The following PKD1 variants were observed in gnomAD, a reference collection of about 807,000 sequenced individuals.
PKD1 encodes the protein polycystin-1.
In PKD1, 81 loss-of-function variants were observed where a neutral mutation model predicts 361.7. The observed-to-expected ratio is 0.22, with a 90% confidence interval of 0.19 to 0.27. PKD1 has a LOEUF of 0.27. Among genes scored for constraint, PKD1 ranks in the 10% least tolerant of loss-of-function variants. PKD1 has a pLI of 1.00. For missense variants in PKD1, 6,399 were observed against 6,118.3 expected (o/e 1.05, Z -1.53); for synonymous variants, 3,615 against 2,818.3 (o/e 1.28, Z -8.95).
intron 1 of PKD1, among the ~76,000 whole-genome samples, chr16:2,130,668 G>A (rs1211327690): frequency 3.3e-5 from 5 of 152,300 alleles, no homozygotes; most frequent in East Asian, 1.9e-4. Context: ...TGGCAGTTGC[G>A]CTCTAAGGCA....
chr16:2,109,102 G>A lies in PKD1; in HGVS notation c.6065C>T (p.Ser2022Leu), dbSNP rs781681199. Residue 2022 changes from serine (S) to leucine (L), a missense_variant, in exon 15 of 46, where the codon TCG becomes TTG. By Grantham distance (145) the Ser-to-Leu change is moderately radical (BLOSUM62 -2). Transcript: ENST00000262304. ...KVQGDSLVILSGRDVTYTPVA... is the reference protein window; with the variant it reads ...KVQGDSLVILLGRDVTYTPVA... ...GGGCGTGTAGGTGACGTCGCGGCCC[G>A]ACAGGATGACCAGCGAGTCGCCCTG... 1.6e-5 allele frequency: 25 copies of A among 1,603,064 alleles called. No homozygotes were observed. Among genetic ancestry groups the A allele is most frequent in the Middle Eastern group, 1.8e-4 (1 of 5,560 alleles).
rs143953714 is a variant in PKD1 at position 2,111,314 on chromosome 16, G to A, written c.3853C>T (p.Arg1285Trp). ...ACGAAGACCAGCACGTGCAGGCTCC[G>A]GGCCAGGTGGCCGGCGGGGCTGGCC... ...GAASPAGHLARSLHVLVFVLE... is the reference protein window; with the variant it reads ...GAASPAGHLAWSLHVLVFVLE... The change falls in exon 15 of 46, where the codon CGG (arginine) becomes TGG (tryptophan). Residue 1285 changes from arginine (R) to tryptophan (W), a missense_variant. Arg to Trp is a moderately radical substitution (Grantham distance 101). Coordinates refer to ENST00000262304, the MANE Select transcript of PKD1 (RefSeq NM_001009944.3). The A allele has an allele frequency of 3.8e-4, 617 of 1,608,738 alleles. 2 individuals carry two copies. The African/African-American group carries it at 7.0e-3, about 18-fold the overall frequency.
chr16:2,131,679 C>T (rs565899828), intron 1 of PKD1, among the ~76,000 whole-genome samples: 10 of 150,536 alleles, frequency 6.6e-5, no homozygotes, highest in South Asian at 2.1e-4. Flanking sequence ...AAAAATTAGC[C>T]GGGCGTGGTG....
Position 2,099,662 on chromosome 16 carries a change from G to A in PKD1, c.10032C>T (p.Phe3344=), listed in dbSNP as rs768037346. The A allele has an allele frequency of 3.1e-6, 5 of 1,593,344 alleles. No homozygotes were observed. The Admixed American group carries it at 5.0e-5, about 16-fold the overall frequency. Residue 3344 remains phenylalanine (F), a synonymous_variant, in exon 30 of 46, where the codon TTC becomes TTT. Transcript: ENST00000262304. The part of the protein sequence containing the change: ...YPVYLAILFL[F]RMSRSKVAGS... ...AGCCCACCTTGCTCCGGGACATCCG[G>A]AAGAGAAAAAGGATGGCCAGGTAGA...
chr16:2,106,612 G>A lies in PKD1; in HGVS notation c.7275C>T (p.Gly2425=), dbSNP rs115772084. 1.7e-3 allele frequency: 2,639 copies of A among 1,598,402 alleles called. 29 individuals are homozygous for A. The African/African-American group carries it at 0.027, about 16-fold the overall frequency. The change falls in exon 18 of 46, where the codon GGC becomes GGT. Residue 2425 remains glycine, a synonymous_variant. Coordinates refer to ENST00000262304, the MANE Select transcript of PKD1 (RefSeq NM_001009944.3). This position sits in a 1 kb window ranked among gnomAD's most constrained non-coding sequence, Gnocchi z 6.5. ...LVLDETTTST[G]SAGMRLVLRR... Reference sequence around the variant, plus strand: ...GCAGCACCAGTCGCATGCCTGCACTGCCCGTGGATGTGGTGGTCTCATCCA... The same window carrying A: ...GCAGCACCAGTCGCATGCCTGCACTACCCGTGGATGTGGTGGTCTCATCCA...
In PKD1 at chr16:2,097,848, A is replaced by G. The variant is rs1231065818; in HGVS notation, c.10167+20T>C. 6.2e-7 allele frequency: 1 copy of G among 1,608,474 alleles called. No homozygotes were observed. The highest frequency in any genetic ancestry group is 8.5e-7 in the Non-Finnish European group (1 of 1,177,440). On this transcript the variant is annotated intron_variant, in intron 31 of 45. Coordinates refer to ENST00000262304, the MANE Select transcript of PKD1 (RefSeq NM_001009944.3). ...GGCAGGACCCCCAGCCCAGCCCAGGACCCCCAGTAGAGTCCTCACCTCAGC... is the reference window on the plus strand; with the variant it reads ...GGCAGGACCCCCAGCCCAGCCCAGGGCCCCCAGTAGAGTCCTCACCTCAGC...
Position 2,112,848 on chromosome 16 carries a change from T to G in PKD1, c.3101A>C (p.Asn1034Thr). 1.2e-6 allele frequency: 2 copies of G among 1,604,894 alleles called. No homozygotes were observed. The highest frequency in any genetic ancestry group is 1.7e-6 in the Non-Finnish European group (2 of 1,179,446). Residue 1034 changes from asparagine (N) to threonine (T), a missense_variant, in exon 13 of 46, where the codon AAT (asparagine) becomes ACT (threonine). Transcript: ENST00000262304. ...GCCCGCCGTCAGTGCTAGCGTGGCA[T>G]TGGGGGACAGCACGGCCGGCACTGT... ...VSTVPAVLSPNATLALTAGVL... is the reference protein window; with the variant it reads ...VSTVPAVLSPTATLALTAGVL...
In PKD1 at chr16:2,112,789, G is replaced by A. The variant is rs1427376432; in HGVS notation, c.3160C>T (p.Leu1054=). The part of the protein sequence containing the change: ...LVDSAVEVAF[L]WTFGDGEQAL... ...CAAACCGGCCCCCGAGTCACTCACA[G>A]GAAGGCCACCTCCACGGCCGAGTCC... The change falls in exon 13 of 46, where the codon CTG becomes TTG. Residue 1054 remains leucine (L), a splice_region_variant and synonymous_variant. Transcript: ENST00000262304. 1 of 1,596,620 alleles carries A rather than the reference G, an allele frequency of 6.3e-7. No individual in the cohort carries two copies. Among genetic ancestry groups the A allele is most frequent in the Non-Finnish European group, 8.5e-7 (1 of 1,179,380 alleles).
At position 2,114,407 on chromosome 16, in the gene PKD1, A is replaced by G. The variant is rs140865938; in HGVS notation, c.2616T>C (p.Asn872=). 2.5e-6 allele frequency: 4 copies of G among 1,605,426 alleles called. No homozygotes were observed. Among genetic ancestry groups the G allele is most frequent in the African/African-American group, 2.7e-5 (2 of 74,830 alleles). Reference sequence around the variant, plus strand: ...AGGTGGCCACCAGGGCAGGGCAGACATTCTCAAAGCGGGCGCTGACACTGC... The same window carrying G: ...AGGTGGCCACCAGGGCAGGGCAGACGTTCTCAAAGCGGGCGCTGACACTGC... ...PGGSVSARFE[N]VCPALVATFV... is the part of the protein sequence containing the mutation. Residue 872 remains asparagine, a synonymous_variant, in exon 11 of 46, where the codon AAT becomes AAC. Coordinates refer to ENST00000262304, the MANE Select transcript of PKD1 (RefSeq NM_001009944.3).
At position 2,100,403 on chromosome 16, in the gene PKD1, G is replaced by A. The variant is rs1253124886; in HGVS notation, c.9561C>T (p.Asp3187=). The change falls in exon 27 of 46, where the codon GAC becomes GAT. Residue 3187 remains aspartate (D), a synonymous_variant. Coordinates refer to ENST00000262304, the MANE Select transcript of PKD1 (RefSeq NM_001009944.3). This position sits in a 1 kb window ranked among gnomAD's most constrained non-coding sequence, Gnocchi z 4.4. ...GGCAGGGTCCGCACAAACCTTTGTT[G>A]TCGTGCCACACTCGGATCTTCCACA... is the stretch of plus-strand genomic sequence containing the variant. ...GSVWKIRVWH[D]NKGLSPAWFL... The A allele has an allele frequency of 6.2e-7, 1 of 1,611,314 alleles. No homozygotes were observed. Among genetic ancestry groups the A allele is most frequent in the Non-Finnish European group, 8.5e-7 (1 of 1,179,770 alleles).
rs200049385 is a variant in PKD1 at position 2,110,510 on chromosome 16, C to A, written c.4657G>T (p.Val1553Phe). 1 of 1,612,014 alleles carries A rather than the reference C, an allele frequency of 6.2e-7. No individual in the cohort carries two copies. Among genetic ancestry groups the A allele is most frequent in the Non-Finnish European group, 8.5e-7 (1 of 1,179,786 alleles). ...TVKRRVRGLV[V>F]NASRTVVPLN... ...GGCACCACCGTGCGGCTTGCATTGA[C>A]GACGAGCCCCCGCACGCGCCGCTTC... Residue 1553 changes from valine (V) to phenylalanine (F), a missense_variant, in exon 15 of 46, where the codon GTC (valine) becomes TTC (phenylalanine). Val to Phe is a conservative substitution (Grantham distance 50). Coordinates refer to ENST00000262304, the MANE Select transcript of PKD1 (RefSeq NM_001009944.3).
Position 2,100,054 on chromosome 16 carries a change from G to A in PKD1, c.9730C>T (p.Arg3244Cys), listed in dbSNP as rs146732153. The A allele has an allele frequency of 6.3e-5, 100 of 1,594,388 alleles. No individual in the cohort carries two copies. Among genetic ancestry groups the A allele is most frequent in the South Asian group, 3.2e-4 (29 of 89,282 alleles). ...TCAGCCACCAGCAGGCGCCGGAAGC[G>A]CAAAAGGGCTGCGTCGCCTAGAAGG... ...VLAASDAALL[R>C]FRRLLVAELQ... Residue 3244 changes from arginine to cysteine, a missense_variant, in exon 29 of 46, where the codon CGC (arginine) becomes TGC (cysteine). By Grantham distance (180) the Arg-to-Cys change is radical. Coordinates refer to ENST00000262304, the MANE Select transcript of PKD1 (RefSeq NM_001009944.3). The surrounding 1 kb of genome is among the most constrained non-coding windows in gnomAD (Gnocchi z 4.4).
rs1217837916 is a variant in PKD1, at chr16:2,091,101, C to T, written c.11786G>A (p.Arg3929His). 4.7e-6 allele frequency: 7 copies of T among 1,495,576 alleles called. No homozygotes were observed. The Admixed American group carries it at 8.6e-5, about 18-fold the overall frequency. The allele number at this position is 1,495,576 out of a possible 1,614,324, so 92.6% of individuals were successfully genotyped here. A position where few individuals can be genotyped will look rare whatever the true frequency, so the allele number is the denominator to read the frequency against. The change falls in exon 43 of 46, where the codon CGC (arginine) becomes CAC (histidine). Residue 3929 changes from arginine to histidine, a missense_variant. By Grantham distance (29) the Arg-to-His change is conservative. Transcript: ENST00000262304. ...ARTWHREGRW[R>H]VLRLGAWARW... ...CGCCCAGGCTCCGAGCCGCAGCACG[C>T]GCCAGCGCCCTTCCCTGTGCCAAGT...
In PKD1 at chr16:2,100,857, C is replaced by T; in HGVS notation, c.9398-291G>A. ...CACAACCAGTGACCCGCACTGCACA[C>T]CTGTCCACGCCTCAGTCATGCCACA... On this transcript the variant is annotated intron_variant, in intron 26 of 45. Transcript: ENST00000262304. This position sits in a 1 kb window ranked among gnomAD's most constrained non-coding sequence, Gnocchi z 4.4. 8 of 498,728 alleles carry T rather than the reference C, an allele frequency of 1.6e-5. No individual in the cohort carries two copies. Among genetic ancestry groups the T allele is most frequent in the South Asian group, 1.4e-4 (7 of 48,780 alleles). The allele number at this position is 498,728 out of a possible 1,614,324, so 30.9% of individuals were successfully genotyped here.
Position 2,109,664 on chromosome 16 carries a change from C to T in PKD1, c.5503G>A (p.Val1835Met), listed in dbSNP as rs2151792939. The T allele has an allele frequency of 9.4e-6, 15 of 1,587,972 alleles. No homozygotes were observed. Among genetic ancestry groups the T allele is most frequent in the Non-Finnish European group, 1.2e-5 (14 of 1,168,204 alleles). The change falls in exon 15 of 46, where the codon GTG (valine) becomes ATG (methionine). Residue 1835 changes from valine to methionine, a missense_variant. Val to Met is a conservative substitution (Grantham distance 21). Coordinates refer to ENST00000262304, the MANE Select transcript of PKD1 (RefSeq NM_001009944.3). Reference protein sequence around the residue: ...FWGQLATGTNVSWCWAVPGGS... With the variant: ...FWGQLATGTNMSWCWAVPGGS... ...CCGGGCACAGCCCAGCACCAGCTCA[C>T]ATTGGTGCCCGTGGCCAGCTGCCCC...
chr16:2,098,346 T>C (rs12446582), intron 30 of PKD1, among the ~76,000 whole-genome samples: 67 of 152,004 alleles, frequency 4.4e-4, no homozygotes, highest in Admixed American at 9.2e-4. Flanking sequence ...GTAGCTGGGA[T>C]TACAGGTGCC....
In PKD1 at chr16:2,089,628, G is replaced by T. The variant is rs926356423; in HGVS notation, c.*99C>A. Reference sequence around the variant, plus strand: ...TGCCTGCTCTCTGGGGAACCTACGTGCAGCCATTCTGCCTGGCCCTCGGCC... The same window carrying T: ...TGCCTGCTCTCTGGGGAACCTACGTTCAGCCATTCTGCCTGGCCCTCGGCC... On this transcript the variant is annotated 3_prime_UTR_variant, in exon 46 of 46. Coordinates refer to ENST00000262304, the MANE Select transcript of PKD1 (RefSeq NM_001009944.3). 25 of 1,422,050 alleles carry T rather than the reference G, an allele frequency of 1.8e-5. 1 individual carries two copies. In the Admixed American group the frequency reaches 5.0e-4, roughly 28 times the overall value. The allele number at this position is 1,422,050 out of a possible 1,614,324, so 88.1% of individuals were successfully genotyped here. A position where few individuals can be genotyped will look rare whatever the true frequency, so the allele number is the denominator to read the frequency against.
At chr16:2,105,795 G>A in intron 20 of PKD1, 70 bp downstream of exon 20, 1 of 1,497,618 alleles carries the variant, frequency 6.7e-7, no homozygotes. Flanking sequence ...AAAGCTCCAG[G>A]CAGGGGTACA....
intron 11 of PKD1, 167 bp downstream of exon 11, chr16:2,114,003 G>A (rs1401355045): frequency 1.6e-6 from 1 of 628,946 alleles, no homozygotes; most frequent in Non-Finnish European, 2.8e-6. Flanking sequence ...GGAATTTAAA[G>A]CCCACCAGGT....
Sources: allele counts gnomAD v4.1 joint callset (sites outside exome capture counted in the v4.1 genomes callset), GRCh38; gene constraint gnomAD v4.1.1; non-coding constraint Gnocchi (gnomAD v3.1); transcripts MANE v1.5; gene names NCBI Gene and HGNC (gene_info 2026-07-23, HGNC 2026-07-21).